The following RAP1GAP2 variants were observed in gnomAD, a reference collection of about 807,000 sequenced individuals.
RAP1GAP2 encodes rap1 GTPase-activating protein 2.
RAP1GAP2 carries 27 observed loss-of-function variants against 95.0 expected under a neutral mutation model. The observed-to-expected ratio is 0.28, with a 90% CI of 0.21 to 0.39. The LOEUF is 0.39. Among genes scored for constraint, RAP1GAP2 ranks in the 10% least tolerant of loss-of-function variants. The pLI, the probability that RAP1GAP2 is intolerant of heterozygous loss-of-function variation, is 1.00. For synonymous variants in RAP1GAP2, 373 were observed against 380.9 expected (o/e 0.98, Z 0.24); for missense variants, 771 against 970.0 (o/e 0.79, Z 2.72).
At chr17:2,824,470 T>C (rs1480753406) in intron 2 of RAP1GAP2, among the ~76,000 whole-genome samples, 2 of 135,480 alleles carry the variant, frequency 1.5e-5, no homozygotes, top group Non-Finnish European at 3.1e-5. Context: ...AGTCCGGGCA[T>C]GGTGGCTCAC....
intron 1 of RAP1GAP2, among the ~76,000 whole-genome samples, chr17:2,764,857 T>G (rs1232394769): frequency 6.6e-6 from 1 of 152,198 alleles, no homozygotes; most frequent in Non-Finnish European, 1.5e-5. Context: ...CTAATCTCCC[T>G]CCTCGGAGGC....
At chr17:2,813,673 G>A (rs1016855628) in intron 2 of RAP1GAP2, among the ~76,000 whole-genome samples, 1 of 151,998 alleles carries the variant, frequency 6.6e-6, no homozygotes, top group African/African-American at 2.4e-5. Context: ...TAATGAAAAT[G>A]TCTCCAGGCC....
At chr17:2,811,179 G>C (rs1231542611) in intron 2 of RAP1GAP2, among the ~76,000 whole-genome samples, 1 of 152,140 alleles carries the variant, frequency 6.6e-6, no homozygotes, top group East Asian at 1.9e-4. Flanking sequence ...AGCTATATTT[G>C]GGATTCCTCA....
At chr17:3,017,951 G>A (rs867189331) in intron 17 of RAP1GAP2, 110 bp from the exon 18 acceptor site, 2 of 953,576 alleles carry the variant, frequency 2.1e-6, no homozygotes, top group South Asian at 1.7e-5. Flanking sequence ...GTGTGTGTAT[G>A]TGTGCACGCA....
At chr17:2,815,725 G>A (rs1295960705) in intron 2 of RAP1GAP2, among the ~76,000 whole-genome samples, 1 of 151,910 alleles carries the variant, frequency 6.6e-6, no homozygotes, top group South Asian at 2.1e-4. Flanking sequence ...CAGGTGATCC[G>A]CCCACCTTGG....
At chr17:2,924,531 A>G (rs1405022239) in intron 3 of RAP1GAP2, among the ~76,000 whole-genome samples, 1 of 151,570 alleles carries the variant, frequency 6.6e-6, no homozygotes, top group Non-Finnish European at 1.5e-5. Flanking sequence ...GGGAGAAAGG[A>G]AATCGGAGGT....
chr17:2,944,749 C>G lies in RAP1GAP2; in HGVS notation c.166-13010C>G, dbSNP rs540164375. On this transcript the variant is annotated intron_variant, in intron 3 of 24. Transcript: ENST00000254695. ...CTGCCACCTTAACAGTATTAAATCTCCAATCCATGAACATGGAATGTCGTT... is the reference window on the plus strand; with the variant it reads ...CTGCCACCTTAACAGTATTAAATCTGCAATCCATGAACATGGAATGTCGTT... 2.0e-5 allele frequency among the ~76,000 whole-genome samples: 3 copies of G among 152,296 alleles called. No homozygotes were observed. In the East Asian group the frequency reaches 5.8e-4, roughly 29 times the overall value.
At chr17:2,778,719 G>A (rs111515891) in intron 1 of RAP1GAP2, among the ~76,000 whole-genome samples, 1,834 of 152,298 alleles carry the variant, frequency 0.012, 35 homozygotes, top group African/African-American at 0.043. Flanking sequence ...GGCCGCACCT[G>A]CATTCCCCTC....
intron 1 of RAP1GAP2, among the ~76,000 whole-genome samples, chr17:2,781,460 C>T (rs1481728945): frequency 6.6e-6 from 1 of 152,236 alleles, no homozygotes; most frequent in Non-Finnish European, 1.5e-5. Context: ...ATTGCTGTGT[C>T]TGGACATCTC....
chr17:2,994,687 TGGG>T (rs1038861501), intron 12 of RAP1GAP2, among the ~76,000 whole-genome samples: 1 of 152,152 alleles, frequency 6.6e-6, no homozygotes, highest in African/African-American at 2.4e-5. Flanking sequence ...CGCCCCACCT[TGGG>T]GGAATGGCAC....
intron 2 of RAP1GAP2, among the ~76,000 whole-genome samples, chr17:2,826,746 G>A (rs970073200): frequency 2.6e-5 from 4 of 152,158 alleles, no homozygotes; most frequent in Admixed American, 1.3e-4. Flanking sequence ...GGTGGCTCAC[G>A]CCTGTAATCC....
chr17:3,018,072 C>A lies in RAP1GAP2; in HGVS notation c.1506C>A (p.Arg502=), dbSNP rs146580295. ...GFLESFKRAI[R]VRSHSMETMV... Reference sequence around the variant, plus strand: ...TTCTCTCCCCGTAGAGGGCCATCCGCGTACGCAGCCACTCCATGGAGACCA... The same window carrying A: ...TTCTCTCCCCGTAGAGGGCCATCCGAGTACGCAGCCACTCCATGGAGACCA... The change falls in exon 18 of 25, where the codon CGC becomes CGA. Residue 502 remains arginine (R), a synonymous_variant. Coordinates refer to ENST00000254695, the MANE Select transcript of RAP1GAP2 (RefSeq NM_015085.5). 4 of 1,587,630 alleles carry A rather than the reference C, an allele frequency of 2.5e-6. No individual in the cohort carries two copies. Among genetic ancestry groups the A allele is most frequent in the East Asian group, 4.6e-5 (2 of 43,236 alleles).
chr17:2,931,210 G>A (rs1269957357), intron 3 of RAP1GAP2, among the ~76,000 whole-genome samples: 3 of 151,800 alleles, frequency 2.0e-5, no homozygotes, highest in Non-Finnish European at 4.4e-5. Flanking sequence ...CTGGGTCATG[G>A]TCCCCACCTT....
intron 3 of RAP1GAP2, among the ~76,000 whole-genome samples, chr17:2,914,054 A>T (rs1567772043): frequency 6.6e-6 from 1 of 151,664 alleles, no homozygotes; most frequent in East Asian, 1.9e-4. Context: ...TGTATTTTTA[A>T]TAGGGACGGG....
chr17:2,975,360 A>G (rs1342433950), intron 8 of RAP1GAP2, among the ~76,000 whole-genome samples: 1 of 152,268 alleles, frequency 6.6e-6, no homozygotes, highest in African/African-American at 2.4e-5. Context: ...TATTCTGCTT[A>G]TAAGAGACAT....
chr17:2,937,334 T>G (rs537081566), intron 3 of RAP1GAP2, among the ~76,000 whole-genome samples: 2 of 152,286 alleles, frequency 1.3e-5, no homozygotes, highest in African/African-American at 2.4e-5. Context: ...GGCAGGAGCC[T>G]GGATCCTTGG....
At chr17:3,012,492 C>G (rs1313032160) in intron 17 of RAP1GAP2, among the ~76,000 whole-genome samples, 1 of 150,846 alleles carries the variant, frequency 6.6e-6, no homozygotes, top group African/African-American at 2.4e-5. Context: ...GTGGTGCACA[C>G]CTGTAATCCC....
intron 2 of RAP1GAP2, among the ~76,000 whole-genome samples, chr17:2,831,202 G>A (rs182458693): frequency 1.4e-5 from 2 of 145,952 alleles, no homozygotes; most frequent in Non-Finnish European, 1.5e-5. Flanking sequence ...TTAGCCTCCC[G>A]AGTAGTTGGG....
Position 2,797,325 on chromosome 17 carries a change from C to T in RAP1GAP2, c.44+754C>T, listed in dbSNP as rs1021513043. ...GGATGAGGGATGTGCTTTTTCTTCCCGGCGGGGGGCAGAAGGTAGGCACAC... is the reference window on the plus strand; with the variant it reads ...GGATGAGGGATGTGCTTTTTCTTCCTGGCGGGGGGCAGAAGGTAGGCACAC... On this transcript the variant is annotated intron_variant, in intron 1 of 24. Coordinates refer to ENST00000254695, the MANE Select transcript of RAP1GAP2 (RefSeq NM_015085.5). The surrounding 1 kb of genome is among the most constrained non-coding windows in gnomAD (Gnocchi z 5.6). 2.0e-5 allele frequency among the ~76,000 whole-genome samples: 3 copies of T among 152,162 alleles called. No homozygotes were observed. The highest frequency in any genetic ancestry group is 1.9e-4 in the East Asian group (1 of 5,194).
Sources: allele counts gnomAD v4.1 joint callset (sites outside exome capture counted in the v4.1 genomes callset), GRCh38; gene constraint gnomAD v4.1.1; non-coding constraint Gnocchi (gnomAD v3.1); transcripts MANE v1.5; gene names NCBI Gene and HGNC (gene_info 2026-07-23, HGNC 2026-07-21).